The following CCSER1 variants were observed in gnomAD, a reference collection of about 807,000 sequenced individuals.
The protein encoded by CCSER1 is serine-rich coiled-coil domain-containing protein 1.
Under a neutral mutation model 82.0 loss-of-function variants are expected in CCSER1, and 41 were observed. The ratio of observed to expected loss-of-function variants is 0.50; its 90% CI spans 0.39 to 0.65. The LOEUF (loss-of-function observed/expected upper bound fraction) is 0.65, where lower values mean the gene tolerates loss of function less well. CCSER1 is among the 30% of genes least tolerant of loss of function. The probability of loss-of-function intolerance (pLI) is 0.00; values close to 1 mark genes in which losing one functional copy is unlikely to be tolerated. For synonymous variants in CCSER1, 414 were observed against 383.9 expected (o/e 1.08, Z -0.92); for missense variants, 1,119 against 1,064.2 (o/e 1.05, Z -0.72).
Position 90,144,728 on chromosome 4 carries a change from C to T in CCSER1, c.-42+16897C>T, listed in dbSNP as rs184521907. 1.8e-3 allele frequency among the ~76,000 whole-genome samples: 270 copies of T among 152,166 alleles called. 3 individuals carry two copies. Among genetic ancestry groups the T allele is most frequent in the African/African-American group, 5.8e-3 (239 of 41,510 alleles). On this transcript the variant is annotated intron_variant, in intron 1 of 10. Coordinates refer to ENST00000509176, the MANE Select transcript of CCSER1 (RefSeq NM_001145065.2). ...TTTTTGCTTTCACAATTACATGCAG[C>T]GAATTTCAGATATTCAGACTATGTA...
intron 8 of CCSER1, among the ~76,000 whole-genome samples, chr4:90,882,184 C>T (rs760054410): frequency 3.9e-5 from 6 of 152,062 alleles, no homozygotes; most frequent in Middle Eastern, 3.4e-3. Context: ...TTTCTTCCAA[C>T]ATCAAAGCAA....
chr4:91,268,814 G>T (rs1741811071), intron 10 of CCSER1, among the ~76,000 whole-genome samples: 1 of 152,168 alleles, frequency 6.6e-6, no homozygotes, highest in Admixed American at 6.5e-5. Flanking sequence ...TAATCAATCA[G>T]TTAAGGTGGG....
chr4:91,591,096 A>G (rs73836287), intron 10 of CCSER1, among the ~76,000 whole-genome samples: 15,120 of 152,136 alleles, frequency 0.099, 766 homozygotes, highest in Middle Eastern at 0.16. Flanking sequence ...ACTGGGTGAC[A>G]GAGAGGTACC....
intron 8 of CCSER1, among the ~76,000 whole-genome samples, chr4:90,827,321 C>A (rs893387569): frequency 1.8e-4 from 28 of 152,236 alleles, no homozygotes; most frequent in African/African-American, 6.5e-4. Flanking sequence ...CTTCAGAGGT[C>A]AAGTGAGCTG....
intron 3 of CCSER1, among the ~76,000 whole-genome samples, chr4:90,388,533 C>A (rs1750444904): frequency 6.6e-6 from 1 of 152,320 alleles, no homozygotes; most frequent in Admixed American, 6.5e-5. Context: ...TGGTCTTGAA[C>A]TCCTGACCTC....
At chr4:90,995,399 G>C (rs1737404687) in intron 9 of CCSER1, among the ~76,000 whole-genome samples, 1 of 152,090 alleles carries the variant, frequency 6.6e-6, no homozygotes, top group African/African-American at 2.4e-5. Context: ...GTTTGTGTCT[G>C]TTGGCTTCTG....
chr4:90,436,241 G>A, intron 4 of CCSER1, among the ~76,000 whole-genome samples: 1 of 152,076 alleles, frequency 6.6e-6, no homozygotes, highest in East Asian at 1.9e-4. Context: ...GATTAATGGT[G>A]TTATTAATCA....
At position 90,212,677 on chromosome 4, in the gene CCSER1, A is replaced by G. The variant is rs1332756840; in HGVS notation, c.-42+84846A>G. 2.6e-5 allele frequency among the ~76,000 whole-genome samples: 4 copies of G among 152,346 alleles called. No individual in the cohort carries two copies. The East Asian group carries it at 7.7e-4, about 29-fold the overall frequency. ...TATTTGGAGAGTTTGAAACTCCAAA[A>G]GAGTATAGATATATTGTATGTCTGA... On this transcript the variant is annotated intron_variant, in intron 1 of 10. Coordinates refer to ENST00000509176, the MANE Select transcript of CCSER1 (RefSeq NM_001145065.2).
At chr4:91,243,976 C>T (rs1196228728) in intron 10 of CCSER1, among the ~76,000 whole-genome samples, 6 of 152,166 alleles carry the variant, frequency 3.9e-5, no homozygotes, top group South Asian at 2.1e-4. Flanking sequence ...TCCCTAAGTC[C>T]AGGCCTAGGC....
chr4:90,492,497 G>T (rs750213940), intron 5 of CCSER1, among the ~76,000 whole-genome samples: 1 of 151,860 alleles, frequency 6.6e-6, no homozygotes, highest in Admixed American at 6.6e-5. Flanking sequence ...TTTTTGAAGG[G>T]CTTTTTGTGT....
intron 1 of CCSER1, among the ~76,000 whole-genome samples, chr4:90,140,957 G>A (rs974688212): frequency 4.6e-5 from 7 of 151,764 alleles, no homozygotes; most frequent in Non-Finnish European, 1.0e-4. Flanking sequence ...GAGCCACCGC[G>A]CCCGGCCTTG....
intron 3 of CCSER1, among the ~76,000 whole-genome samples, chr4:90,355,675 G>A (rs1482311595): frequency 6.6e-6 from 1 of 151,904 alleles, no homozygotes; most frequent in Non-Finnish European, 1.5e-5. Context: ...TAGAGAATAT[G>A]AACAGGTCTA....
chr4:90,659,464 C>A (rs1260501743), intron 6 of CCSER1, among the ~76,000 whole-genome samples: 1 of 151,972 alleles, frequency 6.6e-6, no homozygotes, highest in East Asian at 1.9e-4. Flanking sequence ...GATTAGTCAT[C>A]CCCCCAAAAT....
At chr4:90,702,814 C>T (rs1346498457) in intron 6 of CCSER1, among the ~76,000 whole-genome samples, 1 of 151,988 alleles carries the variant, frequency 6.6e-6, no homozygotes, top group Non-Finnish European at 1.5e-5. Context: ...GGATCATTGG[C>T]AATATCACCT....
chr4:90,231,738 A>C lies in CCSER1; in HGVS notation c.-41-76506A>C, dbSNP rs559076408. On this transcript the variant is annotated intron_variant, in intron 1 of 10. Coordinates refer to ENST00000509176, the MANE Select transcript of CCSER1 (RefSeq NM_001145065.2). ...CTAGAAAACTCCATTGTCTTAGCCC[A>C]AAATCTCCTTAAGCTGCTAAGCAAC... Among the ~76,000 whole-genome samples, 23 of 152,314 alleles carry C rather than the reference A, an allele frequency of 1.5e-4. No homozygotes were observed. The East Asian group carries it at 4.4e-3, about 29-fold the overall frequency.
At chr4:91,199,181 A>G (rs1291492252) in intron 10 of CCSER1, among the ~76,000 whole-genome samples, 1 of 152,176 alleles carries the variant, frequency 6.6e-6, no homozygotes, top group Non-Finnish European at 1.5e-5. Flanking sequence ...CCACACTTGC[A>G]GGAAATGATG....
At chr4:91,179,275 G>C (rs1042331140) in intron 10 of CCSER1, among the ~76,000 whole-genome samples, 3 of 152,138 alleles carry the variant, frequency 2.0e-5, no homozygotes, top group African/African-American at 4.8e-5. Context: ...TGACAGTTAT[G>C]TGTCTTGGGG....
intron 4 of CCSER1, among the ~76,000 whole-genome samples, chr4:90,443,654 A>G (rs1760223811): frequency 6.6e-6 from 1 of 152,128 alleles, no homozygotes; most frequent in Admixed American, 6.6e-5. Flanking sequence ...AGGATAAAAT[A>G]TATTTTATAT....
intron 10 of CCSER1, among the ~76,000 whole-genome samples, chr4:91,532,424 T>G (rs1263916135): frequency 6.6e-6 from 1 of 152,180 alleles, no homozygotes; most frequent in Non-Finnish European, 1.5e-5. Context: ...ACTTAATTGA[T>G]TATTATCCCA....
Sources: allele counts gnomAD v4.1 joint callset (sites outside exome capture counted in the v4.1 genomes callset), GRCh38; gene constraint gnomAD v4.1.1; transcripts MANE v1.5; gene names NCBI Gene and HGNC (gene_info 2026-07-23, HGNC 2026-07-21).